PACRG: variants seen among roughly 807,000 people sequenced by gnomAD.
PACRG encodes the protein parkin coregulated.
In PACRG, 29 loss-of-function variants were observed where a neutral mutation model predicts 29.7. The ratio of observed to expected loss-of-function variants is 0.98; its 90% CI spans 0.73 to 1.33. The LOEUF is 1.33. Ranked by LOEUF, PACRG falls within the 40% of genes most tolerant of loss-of-function variation. The pLI is 0.00. For synonymous variants in PACRG, 116 were observed against 118.7 expected (o/e 0.98, Z 0.15); for missense variants, 279 against 316.2 (o/e 0.88, Z 0.89).
intron 2 of PACRG, among the ~76,000 whole-genome samples, chr6:163,015,347 A>G (rs1282892334): frequency 6.6e-6 from 1 of 152,118 alleles, no homozygotes; most frequent in Non-Finnish European, 1.5e-5. Context: ...TTCTGGTTCT[A>G]TATGAATTTT....
chr6:162,783,888 T>C (rs531711698), intron 1 of PACRG, among the ~76,000 whole-genome samples: 2 of 152,234 alleles, frequency 1.3e-5, no homozygotes, highest in South Asian at 2.1e-4. Context: ...GTCAACTGGT[T>C]AACAGAAAAC....
At chr6:162,820,889 G>A (rs1167025396) in intron 2 of PACRG, among the ~76,000 whole-genome samples, 5 of 151,796 alleles carry the variant, frequency 3.3e-5, no homozygotes, top group Non-Finnish European at 4.4e-5. Context: ...CCTGATTTTT[G>A]TACAAGAGAT....
chr6:163,048,770 A>G (rs936410085), intron 2 of PACRG, among the ~76,000 whole-genome samples: 1 of 152,094 alleles, frequency 6.6e-6, no homozygotes, highest in Admixed American at 6.5e-5. Context: ...TAAATTTCCA[A>G]ATATATGGGG....
At chr6:162,770,969 A>C (rs1018673185) in intron 1 of PACRG, among the ~76,000 whole-genome samples, 3 of 152,118 alleles carry the variant, frequency 2.0e-5, no homozygotes, top group Non-Finnish European at 4.4e-5. Flanking sequence ...TTTTAGTTCT[A>C]GGGGACAATC....
intron 2 of PACRG, among the ~76,000 whole-genome samples, chr6:163,036,801 AATTT>A (rs1275370203): frequency 1.3e-5 from 2 of 152,026 alleles, no homozygotes; most frequent in African/African-American, 4.8e-5. Flanking sequence ...ACTAAAGAGC[AATTT>A]ATTTACTCTT....
intron 1 of PACRG, among the ~76,000 whole-genome samples, chr6:162,737,381 T>A (rs1317636295): frequency 6.6e-6 from 1 of 152,172 alleles, no homozygotes. Context: ...ATTTAATTAG[T>A]CTTTAATTAG....
intron 4 of PACRG, among the ~76,000 whole-genome samples, chr6:163,116,955 G>A (rs537547376): frequency 6.6e-6 from 1 of 152,272 alleles, no homozygotes; most frequent in East Asian, 1.9e-4. Flanking sequence ...ACAGAAGCAA[G>A]TTGGAAGGGC....
chr6:163,208,260 T>C (rs1256568462), intron 4 of PACRG, among the ~76,000 whole-genome samples: 3 of 143,136 alleles, frequency 2.1e-5, no homozygotes, highest in African/African-American at 8.2e-5. Context: ...ATAGACTATA[T>C]TGGAGATTTT....
chr6:163,296,364 C>T (rs867478045), intron 4 of PACRG, among the ~76,000 whole-genome samples: 15 of 152,134 alleles, frequency 9.9e-5, no homozygotes, highest in African/African-American at 2.2e-4. Context: ...AGCACAATCT[C>T]GGCTCACTGC....
At chr6:163,007,293 A>G (rs1218387515) in intron 2 of PACRG, among the ~76,000 whole-genome samples, 1 of 152,134 alleles carries the variant, frequency 6.6e-6, no homozygotes, top group Non-Finnish European at 1.5e-5. Flanking sequence ...TTTAACAATT[A>G]TCTTTTGGAG....
At chr6:162,754,355 T>G (rs1186806643) in intron 1 of PACRG, among the ~76,000 whole-genome samples, 3 of 152,310 alleles carry the variant, frequency 2.0e-5, no homozygotes, top group Admixed American at 1.3e-4. Context: ...TTTGAGTTGT[T>G]TGAGTTCCAT....
Position 162,728,393 on chromosome 6 carries a change from T to C in PACRG, c.156+2T>C. 1 of 1,610,700 alleles carries C rather than the reference T, an allele frequency of 6.2e-7. No individual in the cohort carries two copies. On this transcript the variant is annotated splice_donor_variant, in intron 1 of 4. Transcript: ENST00000366888. LOFTEE classifies it high-confidence loss of function. ...AAAGCCATGATGAAAAACTCAGTCG[T>C]AAGTGATCTTCCTGAATTAAATGCA...
chr6:163,044,318 T>C (rs921020292), intron 2 of PACRG, among the ~76,000 whole-genome samples: 4 of 152,032 alleles, frequency 2.6e-5, no homozygotes, highest in Non-Finnish European at 4.4e-5. Context: ...CAGGTGCATA[T>C]CACCAGGCCC....
At chr6:163,090,596 A>C (rs112849326) in intron 4 of PACRG, among the ~76,000 whole-genome samples, 3 of 152,190 alleles carry the variant, frequency 2.0e-5, no homozygotes, top group Non-Finnish European at 4.4e-5. Flanking sequence ...ATATTACTAC[A>C]TTTGGAAAAT....
rs139911767 is a variant in PACRG, at chr6:162,957,987, A to G, written c.292-104163A>G. 1.1e-4 allele frequency among the ~76,000 whole-genome samples: 17 copies of G among 152,294 alleles called. No homozygotes were observed. In the East Asian group the frequency reaches 2.9e-3, roughly 26 times the overall value. ...GAATTTCATGTTTAAAGGTATTAACATTTTTTCACTAATGATATAAAACAT... is the reference window on the plus strand; with the variant it reads ...GAATTTCATGTTTAAAGGTATTAACGTTTTTTCACTAATGATATAAAACAT... On this transcript the variant is annotated intron_variant, in intron 2 of 4. Coordinates refer to ENST00000366888, the MANE Select transcript of PACRG (RefSeq NM_001080379.2).
At chr6:163,127,605 T>C (rs1816569408) in intron 4 of PACRG, among the ~76,000 whole-genome samples, 2 of 152,360 alleles carry the variant, frequency 1.3e-5, no homozygotes, top group South Asian at 4.1e-4. Flanking sequence ...AGTTTCCCCT[T>C]CCTGGGCTAT....
chr6:163,254,610 AG>A (rs1783038599), intron 4 of PACRG, among the ~76,000 whole-genome samples: 2 of 152,182 alleles, frequency 1.3e-5, no homozygotes, highest in African/African-American at 4.8e-5. Context: ...GTCCAGGACG[AG>A]GTGAGGTAAA....
At chr6:163,029,964 G>A (rs1290233060) in intron 2 of PACRG, among the ~76,000 whole-genome samples, 1 of 152,064 alleles carries the variant, frequency 6.6e-6, no homozygotes, top group Non-Finnish European at 1.5e-5. Context: ...ACAAGAGAGG[G>A]TGAAAGGAAA....
At chr6:162,867,276 T>C (rs1792378597) in intron 2 of PACRG, among the ~76,000 whole-genome samples, 1 of 152,188 alleles carries the variant, frequency 6.6e-6, no homozygotes, top group South Asian at 2.1e-4. Context: ...TTGTGTTTTG[T>C]TATTTTGGGT....
Sources: allele counts gnomAD v4.1 joint callset (sites outside exome capture counted in the v4.1 genomes callset), GRCh38; gene constraint gnomAD v4.1.1; transcripts MANE v1.5; gene names NCBI Gene and HGNC (gene_info 2026-07-23, HGNC 2026-07-21).